Variants in ANKAR observed in about 807,000 individuals in gnomAD.
The protein encoded by ANKAR is ankyrin and armadillo repeat containing.
In ANKAR, 136 loss-of-function variants were observed where a neutral mutation model predicts 146.2. That is an observed-to-expected ratio of 0.93 (90% CI 0.81 to 1.07). ANKAR has a LOEUF of 1.07. Ranked by LOEUF, ANKAR falls within the 50% of genes least tolerant of loss-of-function variation. ANKAR has a pLI of 0.00. For synonymous variants in ANKAR, 500 were observed against 575.8 expected (o/e 0.87, Z 1.88); for missense variants, 1,567 against 1,679.9 (o/e 0.93, Z 1.18).
chr2:189,690,283 A>G (rs1380192030), intron 3 of ANKAR, among the ~76,000 whole-genome samples: 11 of 152,194 alleles, frequency 7.2e-5, no homozygotes, highest in Non-Finnish European at 1.6e-4. Flanking sequence ...AAATTACTCT[A>G]TAAATTCAGT....
intron 18 of ANKAR, among the ~76,000 whole-genome samples, chr2:189,753,709 G>A (rs1268978484): frequency 6.6e-6 from 1 of 152,114 alleles, no homozygotes; most frequent in Non-Finnish European, 1.5e-5. Flanking sequence ...AGACTTATGT[G>A]CCATAGAAGC....
intron 21 of ANKAR, among the ~76,000 whole-genome samples, chr2:189,744,479 T>C (rs1179275714): frequency 6.6e-6 from 1 of 152,196 alleles, no homozygotes; most frequent in African/African-American, 2.4e-5. Context: ...AAAACCCAGC[T>C]GAAGTGTCTC....
intron 3 of ANKAR, among the ~76,000 whole-genome samples, chr2:189,692,051 T>G (rs900180450): frequency 6.6e-6 from 1 of 152,172 alleles, no homozygotes; most frequent in African/African-American, 2.4e-5. Context: ...CATGAGGCAC[T>G]GTGCATGCTC....
rs767557193 is a variant in ANKAR, at chr2:189,689,603, T to A, written c.678T>A (p.Asp226Glu). ...ACGTGAATGAAGATCCAACATATGA[T>A]CCCAACAGCCCTGAAGAAACAGCTG... ...DEDVNEDPTYDPNSPEETAVF... is the reference protein window; with the variant it reads ...DEDVNEDPTYEPNSPEETAVF... The change falls in exon 3 of 23, where the codon GAT becomes GAA. Residue 226 changes from aspartate (D) to glutamate (E), a missense_variant. Transcript: ENST00000684021. 1 of 1,613,320 alleles carries A rather than the reference T, an allele frequency of 6.2e-7. No homozygotes were observed. Among genetic ancestry groups the A allele is most frequent in the East Asian group, 2.2e-5 (1 of 44,790 alleles).
rs397987025 is a variant in ANKAR, at chr2:189,742,905, G to GAC, written c.3811-295_3811-294dup. ...ACACACACACACACTAGAATTACCT[G>GAC]ACACACACACACACACACACACACA... On this transcript the variant is annotated intron_variant, in intron 20 of 22. Coordinates refer to ENST00000684021, the MANE Select transcript of ANKAR (RefSeq NM_001378068.1). Among the ~76,000 whole-genome samples the GAC allele has an allele frequency of 2.7e-3, 91 of 33,498 alleles. 1 individual carries two copies. The highest frequency in any genetic ancestry group is 6.6e-3 in the African/African-American group (50 of 7,528). The allele number at this position is 33,498 out of a possible 152,430, so 22.0% of individuals were successfully genotyped here. A position where few individuals can be genotyped will look rare whatever the true frequency, so the allele number is the denominator to read the frequency against.
downstream of ANKAR, chr2:189,762,504 G>T: frequency 1.2e-6 from 1 of 807,560 alleles, no homozygotes; most frequent in Non-Finnish European, 1.5e-6. Flanking sequence ...AACAAAATCT[G>T]GACAAGGAGG....
At chr2:189,707,239 T>A (rs1004643670) in intron 9 of ANKAR, 93 bp downstream of exon 9, 1 of 578,024 alleles carries the variant, frequency 1.7e-6, no homozygotes, top group African/African-American at 1.9e-5. Context: ...AATACATGCA[T>A]TATATTTTAA....
At chr2:189,743,535 G>A in intron 21 of ANKAR, 61 bp downstream of exon 21, 2 of 1,434,844 alleles carry the variant, frequency 1.4e-6, no homozygotes, top group Non-Finnish European at 1.9e-6. Flanking sequence ...CTTTAATGAG[G>A]TTTAGTAAGA....
At chr2:189,745,068 G>A (rs1449479801) in intron 22 of ANKAR, among the ~76,000 whole-genome samples, 1 of 98,234 alleles carries the variant, frequency 1.0e-5, no homozygotes, top group Admixed American at 1.1e-4. Context: ...GCGCGTGCCT[G>A]TAATCCCAGC....
At chr2:189,746,650 A>T, downstream of ANKAR, 1 of 1,552,456 alleles carries the variant, frequency 6.4e-7, no homozygotes, top group Non-Finnish European at 8.6e-7. Flanking sequence ...GAATGAAAGG[A>T]TTCCTGAGCC....
chr2:189,748,638 A>G (rs2044561124), downstream of ANKAR, among the ~76,000 whole-genome samples: 1 of 152,196 alleles, frequency 6.6e-6, no homozygotes, highest in Non-Finnish European at 1.5e-5. Context: ...ATGCGGAGGG[A>G]AATGGTCTAT....
rs2036144640 is a variant in ANKAR at position 189,689,947 on chromosome 2, T to G, written c.1022T>G (p.Leu341Arg). 1 of 1,509,256 alleles carries G rather than the reference T, an allele frequency of 6.6e-7. No homozygotes were observed. The highest frequency in any genetic ancestry group is 1.4e-5 in the African/African-American group (1 of 71,148). 93.5% of individuals were successfully genotyped at this position (1,509,256 alleles called of 1,614,324 possible). The change falls in exon 3 of 23, where the codon CTG becomes CGG. Residue 341 changes from leucine (L) to arginine (R), a missense_variant. Leu to Arg is a moderately radical substitution (Grantham distance 102). Transcript: ENST00000684021. ...ATGAAAGTTCCATATTTAAGTAGTC[T>G]GCTTCAGCCTTTTTCAGGTAAGAGT... ...KKMKVPYLSS[L>R]LQPFSDDKVK...
rs1274867322 is a variant in ANKAR, at chr2:189,733,235, A to T, written c.3423+6A>T. ...TTCTTCACTCAACAGAAAAGGTAAT[A>T]CCTTTACAAAATATTGAGGTTCATT... On this transcript the variant is annotated splice_donor_region_variant and intron_variant, in intron 17 of 22. Coordinates refer to ENST00000684021, the MANE Select transcript of ANKAR (RefSeq NM_001378068.1). The T allele has an allele frequency of 6.3e-7, 1 of 1,578,196 alleles. No individual in the cohort carries two copies.
At chr2:189,721,389 G>A (rs1056157360) in intron 12 of ANKAR, among the ~76,000 whole-genome samples, 2 of 152,130 alleles carry the variant, frequency 1.3e-5, no homozygotes, top group Non-Finnish European at 2.9e-5. Flanking sequence ...TGGAAATATT[G>A]GCATGGATGA....
chr2:189,755,501 A>G, intron 18 of ANKAR: 1 of 1,602,618 alleles, frequency 6.2e-7, no homozygotes, highest in Non-Finnish European at 8.5e-7. Flanking sequence ...TTCTTGTACT[A>G]TTCGTTGAAT....
chr2:189,716,650 G>T (rs1336384516), intron 10 of ANKAR, among the ~76,000 whole-genome samples: 2 of 151,928 alleles, frequency 1.3e-5, no homozygotes, highest in African/African-American at 4.8e-5. Flanking sequence ...TAGGCAAAAA[G>T]AACAAAGCTG....
intron 18 of ANKAR, chr2:189,753,780 T>G: frequency 1.1e-6 from 1 of 949,314 alleles, no homozygotes; most frequent in Non-Finnish European, 1.5e-6. Context: ...GTCTTTCCTA[T>G]CCTGCATAAT....
intron 3 of ANKAR, among the ~76,000 whole-genome samples, chr2:189,691,388 G>T (rs573987187): frequency 1.3e-5 from 2 of 152,230 alleles, no homozygotes; most frequent in Non-Finnish European, 2.9e-5. Context: ...AGTTATCTGT[G>T]TAGTTTCATT....
At chr2:189,705,917 A>C (rs2038868307) in intron 8 of ANKAR, among the ~76,000 whole-genome samples, 1 of 151,894 alleles carries the variant, frequency 6.6e-6, no homozygotes, top group Non-Finnish European at 1.5e-5. Flanking sequence ...GTTTCATTCA[A>C]GTTTTTCTAG....
Sources: allele counts gnomAD v4.1 joint callset (sites outside exome capture counted in the v4.1 genomes callset), GRCh38; gene constraint gnomAD v4.1.1; transcripts MANE v1.5; gene names NCBI Gene and HGNC (gene_info 2026-07-23, HGNC 2026-07-21).